PMFBP1: variants seen among roughly 807,000 people sequenced by gnomAD.
PMFBP1 encodes the protein polyamine-modulated factor 1-binding protein 1.
In PMFBP1, 131 loss-of-function variants were observed where a neutral mutation model predicts 137.8. The observed-to-expected ratio is 0.95, with a 90% CI of 0.82 to 1.10. The LOEUF (loss-of-function observed/expected upper bound fraction) is 1.10, where lower values mean the gene tolerates loss of function less well. Among genes scored for constraint, PMFBP1 ranks in the 50% least tolerant of loss-of-function variants. The pLI, the probability that PMFBP1 is intolerant of heterozygous loss-of-function variation, is 0.00. For synonymous variants in PMFBP1, 490 were observed against 450.4 expected (o/e 1.09, Z -1.11); for missense variants, 1,199 against 1,175.4 (o/e 1.02, Z -0.29).
chr16:72,179,242 T>G (rs2043268573), upstream of PMFBP1, among the ~76,000 whole-genome samples: 1 of 152,220 alleles, frequency 6.6e-6, no homozygotes, highest in South Asian at 2.1e-4. Context: ...GCCAAGTCTC[T>G]TAGGTTCAGC....
the PMFBP1 span, among the ~76,000 whole-genome samples, chr16:72,202,208 G>C: frequency 6.6e-6 from 1 of 152,200 alleles, no homozygotes; most frequent in South Asian, 2.1e-4. Flanking sequence ...ACACTCCTCA[G>C]TGTCTGAAGA....
At chr16:72,172,332 G>A (rs117857790), upstream of PMFBP1, 1,722 of 151,728 alleles carry the variant, frequency 0.011, 14 homozygotes, top group Middle Eastern at 0.017. Context: ...AAGTCTCAGT[G>A]GCTTACGACC....
chr16:72,238,472 GT>G, the PMFBP1 span, among the ~76,000 whole-genome samples: 1 of 152,150 alleles, frequency 6.6e-6, no homozygotes, highest in Non-Finnish European at 1.5e-5. Flanking sequence ...AAAAGTGCCT[GT>G]TCACGTCCTT....
intron 5 of PMFBP1, among the ~76,000 whole-genome samples, chr16:72,145,068 C>A (rs1400938830): frequency 6.6e-6 from 1 of 152,030 alleles, no homozygotes. Flanking sequence ...CCCAAATCAA[C>A]AGAATATACA....
At chr16:72,227,559 A>G in the PMFBP1 span, among the ~76,000 whole-genome samples, 2 of 152,160 alleles carry the variant, frequency 1.3e-5, no homozygotes, top group Non-Finnish European at 2.9e-5. Flanking sequence ...ACATTATTCT[A>G]TTGATATTTC....
At chr16:72,220,053 T>C in the PMFBP1 span, among the ~76,000 whole-genome samples, 3 of 152,124 alleles carry the variant, frequency 2.0e-5, no homozygotes, top group Non-Finnish European at 4.4e-5. Context: ...TATCACAAGA[T>C]TGAAGAAACA....
intron 3 of PMFBP1, among the ~76,000 whole-genome samples, chr16:72,155,343 C>A (rs1235853866): frequency 6.6e-6 from 1 of 152,204 alleles, no homozygotes; most frequent in Non-Finnish European, 1.5e-5. Flanking sequence ...CTTTAAGTTT[C>A]TGTTTAAATC....
intron 7 of PMFBP1, among the ~76,000 whole-genome samples, chr16:72,138,117 T>G (rs1004557068): frequency 1.3e-5 from 2 of 152,146 alleles, no homozygotes; most frequent in Admixed American, 1.3e-4. Context: ...TGGAGTCTTA[T>G]GAGATTTTTG....
At chr16:72,130,776 C>T (rs2042538761) in intron 10 of PMFBP1, 54 bp from the exon 11 acceptor site, 2 of 1,501,780 alleles carry the variant, frequency 1.3e-6, no homozygotes, top group Non-Finnish European at 1.8e-6. Flanking sequence ...GAAGATCACA[C>T]TCTTATCAGC....
chr16:72,123,706 C>A, intron 17 of PMFBP1, 57 bp from the exon 18 acceptor site: 2 of 1,491,302 alleles, frequency 1.3e-6, no homozygotes, highest in Non-Finnish European at 1.9e-6. Context: ...CCTGTCAGCC[C>A]TCCTTCCGAG....
chr16:72,179,587 A>G (rs1260651468), upstream of PMFBP1, among the ~76,000 whole-genome samples: 1 of 149,370 alleles, frequency 6.7e-6, no homozygotes, highest in East Asian at 1.9e-4. Flanking sequence ...ATTGTGAAGT[A>G]TTTTTGTTAA....
chr16:72,212,079 G>C, the PMFBP1 span, among the ~76,000 whole-genome samples: 1 of 152,082 alleles, frequency 6.6e-6, no homozygotes, highest in Non-Finnish European at 1.5e-5. Context: ...AGAAATTATA[G>C]CAAGATGTAA....
the PMFBP1 span, among the ~76,000 whole-genome samples, chr16:72,245,366 G>A: frequency 6.6e-6 from 1 of 152,288 alleles, no homozygotes; most frequent in East Asian, 1.9e-4. Flanking sequence ...CTGAGATGCC[G>A]TGAGGTTCAA....
chr16:72,159,088 C>T (rs915061370), intron 3 of PMFBP1, among the ~76,000 whole-genome samples: 1 of 152,196 alleles, frequency 6.6e-6, no homozygotes. Context: ...CTGCTGAAAA[C>T]TAACCATGGT....
the PMFBP1 span, among the ~76,000 whole-genome samples, chr16:72,185,000 G>A: frequency 6.6e-6 from 1 of 152,032 alleles, no homozygotes; most frequent in East Asian, 1.9e-4. Flanking sequence ...TGGTTTAGGA[G>A]GCCTTTCTTC....
chr16:72,225,905 A>G, the PMFBP1 span, among the ~76,000 whole-genome samples: 1 of 148,584 alleles, frequency 6.7e-6, no homozygotes, highest in African/African-American at 2.5e-5. Context: ...GTGCATGTAC[A>G]TCCACACACA....
chr16:72,209,244 G>A, the PMFBP1 span, among the ~76,000 whole-genome samples: 1 of 152,196 alleles, frequency 6.6e-6, no homozygotes, highest in Non-Finnish European at 1.5e-5. Flanking sequence ...AGCATCCCAG[G>A]TAGGTTGGCT....
chr16:72,147,654 C>T (rs79940707), intron 5 of PMFBP1, among the ~76,000 whole-genome samples: 16,130 of 151,970 alleles, frequency 0.11, 1,131 homozygotes, highest in Non-Finnish European at 0.16. Context: ...CCAGAATCTA[C>T]AAAGAACTTA....
chr16:72,209,258 CATGATATGT>C, the PMFBP1 span, among the ~76,000 whole-genome samples: 1 of 152,186 alleles, frequency 6.6e-6, no homozygotes, highest in Non-Finnish European at 1.5e-5. Flanking sequence ...GTTGGCTTTG[CATGATATGT>C]AAGTTGCTGC....
Sources: allele counts gnomAD v4.1 joint callset (sites outside exome capture counted in the v4.1 genomes callset), GRCh38; gene constraint gnomAD v4.1.1; transcripts MANE v1.5; gene names NCBI Gene and HGNC (gene_info 2026-07-23, HGNC 2026-07-21).